FANCB: variants seen among roughly 807,000 people sequenced by gnomAD.
The protein encoded by FANCB is Fanconi anemia group B protein.
Under a neutral mutation model 38.9 loss-of-function variants are expected in FANCB, and 5 were observed. The observed-to-expected ratio is 0.13, with a 90% CI of 0.07 to 0.27. The LOEUF (loss-of-function observed/expected upper bound fraction) is 0.27, where lower values mean the gene tolerates loss of function less well. FANCB is among the 10% of genes least tolerant of loss of function. The pLI is 1.00. For synonymous variants in FANCB, 236 were observed against 215.4 expected, an observed-to-expected ratio of 1.10 and a Z score of -0.84; for missense variants, 573 against 602.7, an observed-to-expected ratio of 0.95 and a Z score of 0.52.
At chrX:14,701,038 G>A in the FANCB span, among the ~76,000 whole-genome samples, 1 of 110,248 alleles carries the variant, frequency 9.1e-6, no homozygotes, top group African/African-American at 3.3e-5. Flanking sequence ...AGGCGGACAG[G>A]ATTTTGAAGG....
chrX:14,853,151 AAAG>A lies in FANCB; in HGVS notation c.1211_1213del (p.Ser404del). The A allele has an allele frequency of 8.3e-7, 1 of 1,207,579 alleles. No individual in the cohort carries two copies. The highest frequency in any genetic ancestry group is 3.0e-5 in the East Asian group (1 of 33,643). The stretch of plus-strand genomic sequence containing the variant: ...CAACAGATGCTGCCGTAATTCCCGA[AAAG>A]AAGAAAAACAAACCTGTAAAGTAGA... On this transcript the variant is annotated inframe_deletion, in exon 6 of 10. Coordinates refer to ENST00000650831, the MANE Select transcript of FANCB (RefSeq NM_001018113.3).
the FANCB span, among the ~76,000 whole-genome samples, chrX:14,746,248 A>G: frequency 1.8e-5 from 2 of 112,275 alleles, no homozygotes; most frequent in Admixed American, 1.9e-4. Flanking sequence ...TAGAATGAGA[A>G]TGAGAAATTA....
chrX:14,708,437 T>C, the FANCB span, among the ~76,000 whole-genome samples: 1 of 111,298 alleles, frequency 9.0e-6, no homozygotes, highest in Non-Finnish European at 1.9e-5. Flanking sequence ...AGGAGGTATA[T>C]GTTGCACTAA....
At chrX:14,794,139 A>T in the FANCB span, among the ~76,000 whole-genome samples, 1 of 111,688 alleles carries the variant, frequency 9.0e-6, no homozygotes. Flanking sequence ...GTAATGGTCC[A>T]GGTTGAAGAG....
At chrX:14,792,223 G>A in the FANCB span, among the ~76,000 whole-genome samples, 1 of 111,636 alleles carries the variant, frequency 9.0e-6, no homozygotes, top group South Asian at 3.7e-4. Flanking sequence ...CTGTCATTTT[G>A]TACTTTCCTT....
At chrX:14,753,078 A>C in the FANCB span, among the ~76,000 whole-genome samples, 2 of 110,024 alleles carry the variant, frequency 1.8e-5, no homozygotes, top group African/African-American at 6.6e-5. Flanking sequence ...ACTTTACCTC[A>C]TAATACTTTA....
the FANCB span, among the ~76,000 whole-genome samples, chrX:14,794,581 A>G: frequency 3.5e-4 from 39 of 112,308 alleles, 1 homozygote; most frequent in Admixed American, 2.9e-3. Flanking sequence ...GCTGTACATT[A>G]TTTTTACTGA....
chrX:14,862,832 A>G (rs920055478), intron 3 of FANCB, among the ~76,000 whole-genome samples: 1 of 111,951 alleles, frequency 8.9e-6, no homozygotes, highest in African/African-American at 3.2e-5. Flanking sequence ...TAACACTGGT[A>G]AGTGGCTCAG....
the FANCB span, among the ~76,000 whole-genome samples, chrX:14,777,492 G>A: frequency 8.9e-6 from 1 of 111,991 alleles, no homozygotes; most frequent in African/African-American, 3.2e-5. Flanking sequence ...TGCTGAAAAT[G>A]GAATTCAGGG....
chrX:14,783,822 A>T, the FANCB span, among the ~76,000 whole-genome samples: 1 of 112,994 alleles, frequency 8.9e-6, no homozygotes, highest in Non-Finnish European at 1.9e-5. Flanking sequence ...AATGCCAAGG[A>T]ATGCAAATGT....
the FANCB span, among the ~76,000 whole-genome samples, chrX:14,740,118 G>A: frequency 2.7e-5 from 3 of 111,553 alleles, no homozygotes; most frequent in Non-Finnish European, 3.8e-5. Flanking sequence ...GACCCTTCAC[G>A]TGCAAGGATC....
downstream of FANCB, among the ~76,000 whole-genome samples, chrX:14,833,734 C>T (rs1427172271): frequency 4.6e-5 from 5 of 108,720 alleles, no homozygotes; most frequent in South Asian, 4.0e-4. Context: ...CCAAAGTGGG[C>T]GCATCGCCTG....
At chrX:14,840,934 C>A (rs1413819818), downstream of FANCB, among the ~76,000 whole-genome samples, 1 of 111,667 alleles carries the variant, frequency 9.0e-6, no homozygotes, top group Admixed American at 9.5e-5. Context: ...TAGTGTGACA[C>A]CCTACTGAAT....
At chrX:14,843,064 G>C (rs748069880), downstream of FANCB, among the ~76,000 whole-genome samples, 1 of 111,819 alleles carries the variant, frequency 8.9e-6, no homozygotes, top group South Asian at 3.7e-4. Context: ...TACATGCTAG[G>C]TTTTACTAAG....
chrX:14,786,654 C>T, the FANCB span, among the ~76,000 whole-genome samples: 3 of 111,337 alleles, frequency 2.7e-5, no homozygotes, highest in African/African-American at 9.8e-5. Flanking sequence ...TCCATGTCTG[C>T]AATAAGAAAG....
the FANCB span, among the ~76,000 whole-genome samples, chrX:14,815,570 A>G: frequency 8.9e-6 from 1 of 112,472 alleles, no homozygotes; most frequent in South Asian, 3.6e-4. Context: ...TGTTAGTGGG[A>G]AGGTAAATTA....
the FANCB span, among the ~76,000 whole-genome samples, chrX:14,761,525 A>G: frequency 5.4e-5 from 6 of 110,563 alleles, no homozygotes; most frequent in African/African-American, 9.9e-5. Flanking sequence ...TAGGATTGAA[A>G]GATTACAAAG....
chrX:14,709,296 C>G, the FANCB span, among the ~76,000 whole-genome samples: 1 of 111,662 alleles, frequency 9.0e-6, no homozygotes, highest in Non-Finnish European at 1.9e-5. Context: ...GTGTTACATA[C>G]CTTCATGCAC....
chrX:14,700,833 T>C, the FANCB span, among the ~76,000 whole-genome samples: 1 of 110,002 alleles, frequency 9.1e-6, no homozygotes, highest in South Asian at 4.0e-4. Context: ...ATGAGCAACT[T>C]GAGTACATTT....
Sources: gnomAD v4.1 joint callset for allele counts (sites outside exome capture counted in the v4.1 genomes callset) on GRCh38, gnomAD v4.1.1 for gene constraint, MANE v1.5 for transcripts, NCBI Gene and HGNC (gene_info 2026-07-23, HGNC 2026-07-21) for gene names.